Variants in CLCN2 observed in about 807,000 individuals in gnomAD.
CLCN2 encodes chloride voltage-gated channel 2, also known as chloride channel protein 2.
CLCN2 carries 72 observed loss-of-function variants against 108.3 expected under a neutral mutation model. The observed-to-expected ratio is 0.66, with a 90% confidence interval of 0.55 to 0.81. CLCN2 has a LOEUF of 0.81. CLCN2 is among the 30% of genes least tolerant of loss of function. CLCN2 has a pLI of 0.00. For synonymous variants in CLCN2, 471 were observed against 467.1 expected, an observed-to-expected ratio of 1.01 and a Z score of -0.11; for missense variants, 1,048 against 1,205.2, an observed-to-expected ratio of 0.87 and a Z score of 1.93.
chr3:184,349,028 C>T (rs1446668064), intron 22 of CLCN2: 4 of 152,194 alleles, frequency 2.6e-5, no homozygotes, highest in Admixed American at 1.3e-4. Context: ...TGAGACCCTT[C>T]CCAAGCCAAC....
intron 10 of CLCN2, 200 bp downstream of exon 10, chr3:184,356,793 A>C (rs762772356): frequency 3.3e-6 from 2 of 607,546 alleles, no homozygotes; most frequent in Non-Finnish European, 5.9e-6. Flanking sequence ...TCTACCGCTG[A>C]CTATAAACTT....
chr3:184,353,705 C>G lies in CLCN2; in HGVS notation c.1812G>C (p.Leu604=). 1 of 1,610,980 alleles carries G rather than the reference C, an allele frequency of 6.2e-7. No homozygotes were observed. Among genetic ancestry groups the G allele is most frequent in the Non-Finnish European group, 8.5e-7 (1 of 1,179,082 alleles). The change falls in exon 16 of 24, where the codon CTG becomes CTC. Residue 604 remains leucine (L), a synonymous_variant. Transcript: ENST00000265593. ...CCAGCATTCGGCCCTTGGTCCTGTG[C>G]AGTGCCAAACGCAGGTCCCGGAAGG... ...SCTFRDLRLA[L]HRTKGRMLAL...
At position 184,354,108 on chromosome 3, in the gene CLCN2, G is replaced by A. The variant is rs760613157; in HGVS notation, c.1714C>T (p.Arg572Cys). The change falls in exon 15 of 24, where the codon CGC becomes TGC. Residue 572 changes from arginine (R) to cysteine (C), a missense_variant. Coordinates refer to ENST00000265593, the MANE Select transcript of CLCN2 (RefSeq NM_004366.6). ...LPYLPELGWG[R>C]HQQYRVRVED... ...GCACCCAGCCCTCCGTACTGGTGGC[G>A]GCCCCAGCCGAGCTCAGGCAGGTAG... 1.4e-5 allele frequency: 22 copies of A among 1,611,736 alleles called. No homozygotes were observed. Among genetic ancestry groups the A allele is most frequent in the Middle Eastern group, 1.6e-4 (1 of 6,062 alleles).
At chr3:184,360,625 G>A (rs1289510202) in intron 1 of CLCN2, among the ~76,000 whole-genome samples, 7 of 152,110 alleles carry the variant, frequency 4.6e-5, no homozygotes. Flanking sequence ...AAGGAACCAC[G>A]GGCCCCTTCC....
intron 19 of CLCN2, 28 bp downstream of exon 19, chr3:184,352,709 G>A (rs752619842): frequency 6.2e-7 from 1 of 1,610,958 alleles, no homozygotes; most frequent in Non-Finnish European, 8.5e-7. Context: ...GAAAAAGCAA[G>A]CTAGGAGGAC....
In CLCN2 at chr3:184,352,776, G is replaced by A. The variant is rs1439179594; in HGVS notation, c.2178C>T (p.Ser726=). The change falls in exon 19 of 24, where the codon AGC becomes AGT. Residue 726 remains serine, a synonymous_variant. Coordinates refer to ENST00000265593, the MANE Select transcript of CLCN2 (RefSeq NM_004366.6). Reference sequence around the variant, plus strand: ...CAGGGGGTGGACTGCCACAGAAGAGGCTCCGGAGGGCGATGCCTGCCGACT... The same window carrying A: ...CAGGGGGTGGACTGCCACAGAAGAGACTCCGGAGGGCGATGCCTGCCGACT... ...SAESAGIALR[S]LFCGSPPPEA... is the part of the protein sequence containing the mutation. 1 of 1,613,208 alleles carries A rather than the reference G, an allele frequency of 6.2e-7. No individual in the cohort carries two copies. The highest frequency in any genetic ancestry group is 2.2e-5 in the East Asian group (1 of 44,860).
Position 184,357,486 on chromosome 3 carries a change from GC to G in CLCN2, c.773del (p.Gly258AlafsTer84), listed in dbSNP as rs755031447. The G allele has an allele frequency of 9.9e-6, 16 of 1,614,078 alleles. No individual in the cohort carries two copies. The highest frequency in any genetic ancestry group is 1.3e-5 in the Non-Finnish European group (15 of 1,180,040). On this transcript the variant is annotated frameshift_variant and splice_region_variant, in exon 8 of 24. Transcript: ENST00000265593. LOFTEE classifies it high-confidence loss of function. Reference sequence around the variant, plus strand: ...AGGTGACCTCGATGCTGAAGAGGACGCCTGTGAGGGGGAGGGAGACCAGCAC... The same window carrying G: ...AGGTGACCTCGATGCTGAAGAGGACGCTGTGAGGGGGAGGGAGACCAGCAC... ...VGCCFAAPIG[G>X]VLFSIEVTST...
rs986050814 is a variant in CLCN2, at chr3:184,359,067, A to G, written c.128T>C (p.Leu43Pro). The G allele has an allele frequency of 1.2e-5, 19 of 1,613,574 alleles. No individual in the cohort carries two copies. Among genetic ancestry groups the G allele is most frequent in the East Asian group, 2.2e-5 (1 of 44,888 alleles). ...ACCTTTCCAGGGTTCAGGCCCTCCC[A>G]GGCGAATCCGAGCAGCTTCCTCTTT... ...FAKEEAARIR[L>P]GGPEPWKGPP... The change falls in exon 2 of 24, where the codon CTG becomes CCG. Residue 43 changes from leucine to proline, a missense_variant. Leu to Pro is a moderately conservative substitution (Grantham distance 98). Coordinates refer to ENST00000265593, the MANE Select transcript of CLCN2 (RefSeq NM_004366.6).
rs1449056504 is a variant in CLCN2 at position 184,354,572 on chromosome 3, C to T, written c.1483G>A (p.Val495Met). Residue 495 changes from valine to methionine, a missense_variant, in exon 14 of 24, where the codon GTG becomes ATG. Coordinates refer to ENST00000265593, the MANE Select transcript of CLCN2 (RefSeq NM_004366.6). ...CCGACCACAGCGTAGCCCCCAGGCA[C>T]AATCCGGTAGGTGCTGCTGTCCGTA... ...IHTDSSTYRIVPGGYAVVGAA... is the reference protein window; with the variant it reads ...IHTDSSTYRIMPGGYAVVGAA... The T allele has an allele frequency of 5.0e-6, 8 of 1,612,966 alleles. No homozygotes were observed. Among genetic ancestry groups the T allele is most frequent in the Non-Finnish European group, 8.5e-7 (1 of 1,179,942 alleles).
chr3:184,349,975 C>T (rs775331366), intron 22 of CLCN2, among the ~76,000 whole-genome samples: 4 of 152,198 alleles, frequency 2.6e-5, no homozygotes, highest in Non-Finnish European at 4.4e-5. Flanking sequence ...TCTCTCTTAT[C>T]TGAATGTTCC....
rs1246965632 is a variant in CLCN2 at position 184,355,354 on chromosome 3, T to A, written c.1326+20A>T. ...GGGCAAGCTATGTAAAGGTTAGCAG[T>A]GTACACGTGAGGAGCCCACCTTCAT... On this transcript the variant is annotated intron_variant, in intron 12 of 23. Transcript: ENST00000265593. The surrounding 1 kb of genome is among the most constrained non-coding windows in gnomAD (Gnocchi z 6.3). 6.2e-7 allele frequency: 1 copy of A among 1,613,372 alleles called. No homozygotes were observed.
At chr3:184,359,233 T>C in intron 1 of CLCN2, 102 bp from the exon 2 acceptor site, 1 of 1,391,290 alleles carries the variant, frequency 7.2e-7, no homozygotes, top group Non-Finnish European at 1.0e-6. Context: ...GCCCCCACAC[T>C]GGATATCCCT....
Position 184,357,831 on chromosome 3 carries a change from A to G in CLCN2, c.641T>C (p.Met214Thr), listed in dbSNP as rs2108572345. The change falls in exon 6 of 24, where the codon ATG (methionine) becomes ACG (threonine). Residue 214 changes from methionine to threonine, a missense_variant. By Grantham distance (81) the Met-to-Thr change is moderately conservative (BLOSUM62 -1). Coordinates refer to ENST00000265593, the MANE Select transcript of CLCN2 (RefSeq NM_004366.6). ...GAACTTGCTGAGAAGGGCAGCACAC[A>G]TGCTTGCGATATGCACAAAAGGGCC... is the stretch of plus-strand genomic sequence containing the variant. ...KEGPFVHIAS[M>T]CAALLSKFLS... 1 of 1,613,970 alleles carries G rather than the reference A, an allele frequency of 6.2e-7. No homozygotes were observed. Among genetic ancestry groups the G allele is most frequent in the Middle Eastern group, 1.6e-4 (1 of 6,062 alleles).
At chr3:184,356,873 C>T in intron 10 of CLCN2, 120 bp downstream of exon 10, 1 of 738,052 alleles carries the variant, frequency 1.4e-6, no homozygotes, top group Non-Finnish European at 2.4e-6. Flanking sequence ...ACACTGCTGG[C>T]TGATTTCTCA....
chr3:184,355,914 T>C lies in CLCN2; in HGVS notation c.1086-136A>G. 1 of 751,478 alleles carries C rather than the reference T, an allele frequency of 1.3e-6. No homozygotes were observed. The highest frequency in any genetic ancestry group is 2.7e-5 in the East Asian group (1 of 36,928). 46.6% of individuals were successfully genotyped at this position (751,478 alleles called of 1,614,324 possible). A position where few individuals can be genotyped will look rare whatever the true frequency, so the allele number is the denominator to read the frequency against. ...TCCTGACAGAAGGTCTCCTTTGCTG[T>C]TTATGATACGATAGCCCCAAGGCTG... On this transcript the variant is annotated intron_variant, in intron 10 of 23. Coordinates refer to ENST00000265593, the MANE Select transcript of CLCN2 (RefSeq NM_004366.6). This position sits in a 1 kb window ranked among gnomAD's most constrained non-coding sequence, Gnocchi z 6.3.
chr3:184,346,446 A>G lies in CLCN2; in HGVS notation c.*160T>C. ...GTGGGTAGTGGGTCAGATTCCAGGT[A>G]GGATGAACTGGGAGAAGCTGGCACC... On this transcript the variant is annotated 3_prime_UTR_variant, in exon 24 of 24. Transcript: ENST00000265593. This position sits in a 1 kb window ranked among gnomAD's most constrained non-coding sequence, Gnocchi z 6.0. 1.3e-6 allele frequency: 1 copy of G among 771,562 alleles called. No homozygotes were observed. The highest frequency in any genetic ancestry group is 2.7e-5 in the East Asian group (1 of 36,846). The allele number at this position is 771,562 out of a possible 1,614,324, so 47.8% of individuals were successfully genotyped here. A position where few individuals can be genotyped will look rare whatever the true frequency, so the allele number is the denominator to read the frequency against.
Position 184,361,295 on chromosome 3 carries a change from G to A in CLCN2, c.63+122C>T, listed in dbSNP as rs1400422526. 4.6e-6 allele frequency: 5 copies of A among 1,088,672 alleles called. No individual in the cohort carries two copies. The highest frequency in any genetic ancestry group is 2.8e-6 in the Non-Finnish European group (2 of 712,862). 67.4% of individuals were successfully genotyped at this position (1,088,672 alleles called of 1,614,324 possible). The stretch of plus-strand genomic sequence containing the variant: ...TGCAGCCTCAGACTTCCAAGCCTCA[G>A]TTTCCCCAGCTCAAAATGCTAGGAC... On this transcript the variant is annotated intron_variant, in intron 1 of 23. Transcript: ENST00000265593. The surrounding 1 kb of genome is among the most constrained non-coding windows in gnomAD (Gnocchi z 6.6).
In CLCN2 at chr3:184,354,549, G is replaced by C. The variant is rs762339307; in HGVS notation, c.1506C>G (p.Val502=). ...YRIVPGGYAV[V]GAAALAGAVT... ...GCCGATGGGACCTGAGGCACTCACC[G>C]ACCACAGCGTAGCCCCCAGGCACAA... The change falls in exon 14 of 24, where the codon GTC becomes GTG. Residue 502 remains valine (V), a splice_region_variant and synonymous_variant. Coordinates refer to ENST00000265593, the MANE Select transcript of CLCN2 (RefSeq NM_004366.6). 8 of 1,612,268 alleles carry C rather than the reference G, an allele frequency of 5.0e-6. No homozygotes were observed. In the Admixed American group the frequency reaches 6.7e-5, roughly 13 times the overall value.
chr3:184,346,494 T>C lies in CLCN2; in HGVS notation c.*112A>G. ...ACCCCAGGTCTGGAGGGGGCTGGGG[T>C]GCAGCCTCCAGCTGTAGCTGCCTCC... On this transcript the variant is annotated 3_prime_UTR_variant, in exon 24 of 24. Transcript: ENST00000265593. This position sits in a 1 kb window ranked among gnomAD's most constrained non-coding sequence, Gnocchi z 6.0. 7.8e-7 allele frequency: 1 copy of C among 1,279,544 alleles called. No individual in the cohort carries two copies. Among genetic ancestry groups the C allele is most frequent in the African/African-American group, 1.5e-5 (1 of 68,786 alleles). The allele number at this position is 1,279,544 out of a possible 1,614,324, so 79.3% of individuals were successfully genotyped here.
Sources: gnomAD v4.1 joint callset for allele counts (sites outside exome capture counted in the v4.1 genomes callset) on GRCh38, gnomAD v4.1.1 for gene constraint, Gnocchi (gnomAD v3.1) non-coding constraint, MANE v1.5 for transcripts, NCBI Gene and HGNC (gene_info 2026-07-23, HGNC 2026-07-21) for gene names.